Variants in RAPGEF4 observed in about 807,000 individuals in gnomAD.
The protein encoded by RAPGEF4 is RAP guanine-nucleotide-exchange factor (GEF) 4.
Under a neutral mutation model 147.9 loss-of-function variants are expected in RAPGEF4, and 66 were observed. The observed-to-expected ratio is 0.45, with a 90% confidence interval of 0.37 to 0.55. RAPGEF4 has a LOEUF of 0.55. Ranked by LOEUF, RAPGEF4 falls within the 20% of genes least tolerant of loss-of-function variation. The pLI is 0.00. For missense variants in RAPGEF4, 1,071 were observed against 1,257.3 expected (o/e 0.85, Z 2.24); for synonymous variants, 419 against 442.7 (o/e 0.95, Z 0.67).
At chr2:172,827,290 C>A (rs1243434942) in intron 4 of RAPGEF4, among the ~76,000 whole-genome samples, 1 of 152,052 alleles carries the variant, frequency 6.6e-6, no homozygotes, top group South Asian at 2.1e-4. Context: ...GAATCCATCT[C>A]CCCTGAATTC....
Position 172,883,100 on chromosome 2 carries a change from T to TAAA in RAPGEF4, c.445-34693_445-34691dup, listed in dbSNP as rs111984096. ...TTAAAGCAACGTGTTTAATATGTGTTAAAAAAAAAAAGGAGTGAATTTTAC... is the reference window on the plus strand; with the variant it reads ...TTAAAGCAACGTGTTTAATATGTGTTAAAAAAAAAAAAAAGGAGTGAATTTTAC... On this transcript the variant is annotated intron_variant, in intron 4 of 30. Coordinates refer to ENST00000397081, the MANE Select transcript of RAPGEF4 (RefSeq NM_007023.4). Among the ~76,000 whole-genome samples, 61 of 148,686 alleles carry TAAA rather than the reference T, an allele frequency of 4.1e-4. No individual in the cohort carries two copies. In the South Asian group the frequency reaches 0.01, roughly 26 times the overall value.
rs180798017 is a variant in RAPGEF4, at chr2:173,041,672, A to G, written c.2853+4980A>G. 3.9e-5 allele frequency among the ~76,000 whole-genome samples: 6 copies of G among 152,354 alleles called. No homozygotes were observed. In the East Asian group the frequency reaches 1.2e-3, roughly 29 times the overall value. On this transcript the variant is annotated intron_variant, in intron 29 of 30. Coordinates refer to ENST00000397081, the MANE Select transcript of RAPGEF4 (RefSeq NM_007023.4). ...AAATAAAACCACATTATATGCAGTG[A>G]CATAATATCAGAAGATCTAGACTAG...
At chr2:172,907,954 A>T (rs1699779100) in intron 4 of RAPGEF4, among the ~76,000 whole-genome samples, 1 of 152,186 alleles carries the variant, frequency 6.6e-6, no homozygotes, top group South Asian at 2.1e-4. Flanking sequence ...TCCTTACCCA[A>T]GAGACTGAGG....
intron 6 of RAPGEF4, among the ~76,000 whole-genome samples, chr2:172,929,271 T>C (rs1383640251): frequency 6.6e-6 from 1 of 152,234 alleles, no homozygotes; most frequent in African/African-American, 2.4e-5. Context: ...TTAGATTCTC[T>C]TCTACCAACA....
chr2:172,819,458 G>GTTTTTTTTTTT (rs1553514342), intron 4 of RAPGEF4, among the ~76,000 whole-genome samples: 1 of 79,696 alleles, frequency 1.3e-5, no homozygotes, highest in African/African-American at 4.4e-5. Flanking sequence ...ACCATTTTTA[G>GTTTTTTTTTTT]TTCTTTTTTT....
chr2:172,915,301 G>A (rs1024186548), intron 4 of RAPGEF4, among the ~76,000 whole-genome samples: 2 of 152,094 alleles, frequency 1.3e-5, no homozygotes, highest in Non-Finnish European at 2.9e-5. Context: ...TGGATATTAT[G>A]GATATATTAC....
At chr2:173,009,005 T>A (rs1434823680) in intron 17 of RAPGEF4, among the ~76,000 whole-genome samples, 2 of 152,174 alleles carry the variant, frequency 1.3e-5, no homozygotes, top group Non-Finnish European at 2.9e-5. Flanking sequence ...TGCAAACAGA[T>A]CCAATCTGCT....
chr2:173,028,405 C>G (rs929980104), intron 25 of RAPGEF4, among the ~76,000 whole-genome samples: 1 of 152,224 alleles, frequency 6.6e-6, no homozygotes, highest in Non-Finnish European at 1.5e-5. Context: ...CACACTCTCT[C>G]TCTTCACCTT....
chr2:172,808,829 T>G (rs72908118), intron 3 of RAPGEF4, among the ~76,000 whole-genome samples: 2,258 of 152,342 alleles, frequency 0.015, 19 homozygotes, highest in South Asian at 0.03. Context: ...TTTTCCACTC[T>G]GCTGCTTCCA....
chr2:173,035,537 ACTTG>A (rs1447897449), intron 27 of RAPGEF4, among the ~76,000 whole-genome samples: 1 of 149,394 alleles, frequency 6.7e-6, no homozygotes, highest in African/African-American at 2.5e-5. Context: ...AAGGGATCTC[ACTTG>A]GGGTCTCACT....
At chr2:172,965,227 G>T in intron 8 of RAPGEF4, 1 of 282,398 alleles carries the variant, frequency 3.5e-6, no homozygotes, top group Non-Finnish European at 6.7e-6. Flanking sequence ...AGATTTTCTG[G>T]GACCGGCTCA....
At chr2:173,005,226 G>T (rs1251885955) in intron 17 of RAPGEF4, among the ~76,000 whole-genome samples, 1 of 151,852 alleles carries the variant, frequency 6.6e-6, no homozygotes, top group Non-Finnish European at 1.5e-5. Context: ...CTAAAAATAG[G>T]CAAAGAATAT....
intron 4 of RAPGEF4, 183 bp downstream of exon 4, chr2:172,814,608 CT>C (rs1430805019): frequency 9.6e-5 from 64 of 666,532 alleles, no homozygotes; most frequent in Middle Eastern, 2.9e-4. Flanking sequence ...ACAAGACATC[CT>C]TTTTTTTGTT....
intron 4 of RAPGEF4, among the ~76,000 whole-genome samples, chr2:172,848,907 C>T (rs72906192): frequency 0.1 from 15,796 of 151,164 alleles, 853 homozygotes; most frequent in South Asian, 0.17. Context: ...TTAGAAGGCT[C>T]AATTAGTGAA....
intron 4 of RAPGEF4, among the ~76,000 whole-genome samples, chr2:172,904,248 T>G (rs1468360750): frequency 1.3e-5 from 2 of 152,196 alleles, no homozygotes; most frequent in African/African-American, 4.8e-5. Flanking sequence ...AAGACTAATA[T>G]GGTTGAATAA....
chr2:173,028,962 G>A (rs1212472035), intron 25 of RAPGEF4, among the ~76,000 whole-genome samples: 1 of 152,170 alleles, frequency 6.6e-6, no homozygotes, highest in Non-Finnish European at 1.5e-5. Flanking sequence ...TGATAACAAG[G>A]CAGTGACTAG....
At chr2:173,024,990 C>T (rs1696525006) in intron 23 of RAPGEF4, among the ~76,000 whole-genome samples, 1 of 152,250 alleles carries the variant, frequency 6.6e-6, no homozygotes, top group Non-Finnish European at 1.5e-5. Flanking sequence ...CCTGCCCAAG[C>T]TTGTCTGCTT....
intron 6 of RAPGEF4, among the ~76,000 whole-genome samples, chr2:172,958,614 T>C (rs1688975406): frequency 6.6e-6 from 1 of 152,236 alleles, no homozygotes; most frequent in South Asian, 2.1e-4. Flanking sequence ...TTAAAGCAAC[T>C]GTTGAATTGG....
intron 3 of RAPGEF4, among the ~76,000 whole-genome samples, chr2:172,806,936 G>A (rs180959908): frequency 2.0e-5 from 3 of 152,200 alleles, no homozygotes; most frequent in Admixed American, 6.5e-5. Flanking sequence ...GTTGTAATGC[G>A]GATCTCTCTA....
Sources: allele counts gnomAD v4.1 joint callset (sites outside exome capture counted in the v4.1 genomes callset), GRCh38; gene constraint gnomAD v4.1.1; transcripts MANE v1.5; gene names NCBI Gene and HGNC (gene_info 2026-07-23, HGNC 2026-07-21).